The following SCGB2B2 variants were observed in gnomAD, a reference collection of about 807,000 sequenced individuals.
SCGB2B2 encodes the protein secretoglobin-like protein.
A neutral mutation model predicts 7.6 loss-of-function variants in SCGB2B2; 11 were observed. The observed-to-expected ratio is 1.45, with a 90% CI of 0.91 to 2.40. SCGB2B2 has a LOEUF of 2.40. SCGB2B2 is among the 30% of genes most tolerant of loss of function. SCGB2B2 has a pLI of 0.00. For missense variants in SCGB2B2, 104 were observed against 115.4 expected (o/e 0.90, Z 0.45); for synonymous variants, 50 against 48.6 (o/e 1.03, Z -0.12).
chr19:34,588,827 G>T (rs1382538016), downstream of SCGB2B2, among the ~76,000 whole-genome samples: 2 of 115,472 alleles, frequency 1.7e-5, no homozygotes, highest in African/African-American at 6.5e-5. Context: ...GGAAATGGGG[G>T]TGCTAAGAGT....
intron 1 of SCGB2B2, among the ~76,000 whole-genome samples, chr19:34,608,348 AAATT>A (rs756213589): frequency 6.6e-6 from 1 of 151,708 alleles, no homozygotes; most frequent in Non-Finnish European, 1.5e-5. Flanking sequence ...ATTTAACAAT[AAATT>A]GTTAATTATG....
intron 1 of SCGB2B2, among the ~76,000 whole-genome samples, chr19:34,640,132 A>G (rs2066799552): frequency 6.6e-6 from 1 of 152,180 alleles, no homozygotes; most frequent in Non-Finnish European, 1.5e-5. Flanking sequence ...TTTATTTGAG[A>G]TAAGGTCTTG....
chr19:34,629,977 A>T (rs1488452747), intron 1 of SCGB2B2, among the ~76,000 whole-genome samples: 2 of 152,004 alleles, frequency 1.3e-5, no homozygotes, highest in African/African-American at 2.4e-5. Context: ...CAACTATCTG[A>T]TCTTTGACAA....
At position 34,612,018 on chromosome 19, in the gene SCGB2B2, A is replaced by ATTTTTTT. The variant is rs1568431496; in HGVS notation, c.-2031-15425_-2031-15424insAAAAAAA. Among the ~76,000 whole-genome samples the ATTTTTTT allele has an allele frequency of 1.4e-4, 11 of 78,674 alleles. No homozygotes were observed. In the East Asian group the frequency reaches 3.1e-3, roughly 22 times the overall value. The allele number at this position is 78,674 out of a possible 152,430, so 51.6% of individuals were successfully genotyped here. ...ATTTTCATATATTTGTGTTTTAGAA[A>ATTTTTTT]ATTCTTTTTTTTTTTTTTTTTTTTT... On this transcript the variant is annotated intron_variant, in intron 1 of 3. Transcript: ENST00000601241.
chr19:34,666,619 C>T (rs917687867), intron 1 of SCGB2B2, among the ~76,000 whole-genome samples: 10 of 152,170 alleles, frequency 6.6e-5, no homozygotes, highest in African/African-American at 2.2e-4. Flanking sequence ...CCACGCCCAC[C>T]GGGCCTGCCC....
intron 1 of SCGB2B2, chr19:34,645,699 C>T: frequency 2.4e-6 from 1 of 424,526 alleles, no homozygotes; most frequent in South Asian, 2.0e-5. Flanking sequence ...CTTCTGCTGG[C>T]TCTAATCTGC....
Position 34,592,584 on chromosome 19 carries a change from G to A in SCGB2B2, c.*971C>T, listed in dbSNP as rs116721724. 0.022 allele frequency among the ~76,000 whole-genome samples: 3,412 copies of A among 152,234 alleles called. 108 individuals carry two copies. Among genetic ancestry groups the A allele is most frequent in the African/African-American group, 0.077 (3,206 of 41,520 alleles). ...AAGGAGCCTGCGGAAAGGGCTTGAGGTTTGGGGAGGGACCTCCCCCAGAAG... is the reference window on the plus strand; with the variant it reads ...AAGGAGCCTGCGGAAAGGGCTTGAGATTTGGGGAGGGACCTCCCCCAGAAG... On this transcript the variant is annotated 3_prime_UTR_variant, in exon 4 of 4. Coordinates refer to ENST00000601241, the MANE Select transcript of SCGB2B2 (RefSeq NM_001025591.4).
intron 1 of SCGB2B2, among the ~76,000 whole-genome samples, chr19:34,618,026 ACTGT>A (rs2145879891): frequency 6.6e-6 from 1 of 152,258 alleles, no homozygotes; most frequent in South Asian, 2.1e-4. Context: ...ACCTGTGCCC[ACTGT>A]CTGGCACTCC....
intron 1 of SCGB2B2, among the ~76,000 whole-genome samples, chr19:34,662,274 G>A (rs1385615888): frequency 6.6e-6 from 1 of 151,998 alleles, no homozygotes; most frequent in Non-Finnish European, 1.5e-5. Flanking sequence ...TCCTAAACTG[G>A]GACAGCAGGG....
chr19:34,630,506 T>C (rs1165857189), intron 1 of SCGB2B2, among the ~76,000 whole-genome samples: 1 of 151,780 alleles, frequency 6.6e-6, no homozygotes, highest in Non-Finnish European at 1.5e-5. Context: ...TAAAGACACA[T>C]GAAAAAATGC....
chr19:34,662,600 C>T (rs1318045171), intron 1 of SCGB2B2, among the ~76,000 whole-genome samples: 1 of 151,358 alleles, frequency 6.6e-6, no homozygotes, highest in Non-Finnish European at 1.5e-5. Context: ...CATTAAAAAC[C>T]ATAAGGAAAA....
chr19:34,633,377 T>C (rs2066588442), intron 1 of SCGB2B2, among the ~76,000 whole-genome samples: 1 of 152,208 alleles, frequency 6.6e-6, no homozygotes, highest in Non-Finnish European at 1.5e-5. Context: ...GCAATCCAAA[T>C]GTCCTTTAAC....
chr19:34,653,277 C>T (rs1228701953), intron 1 of SCGB2B2, among the ~76,000 whole-genome samples: 1 of 151,134 alleles, frequency 6.6e-6, no homozygotes, highest in Non-Finnish European at 1.5e-5. Flanking sequence ...GGAAGACTAA[C>T]TTCTAGTGTT....
At position 34,593,382 on chromosome 19, in the gene SCGB2B2, T is replaced by C. The variant is rs1600031746; in HGVS notation, c.*173A>G. 1.8e-6 allele frequency: 1 copy of C among 562,922 alleles called. No individual in the cohort carries two copies. The allele number at this position is 562,922 out of a possible 1,614,324, so 34.9% of individuals were successfully genotyped here. On this transcript the variant is annotated 3_prime_UTR_variant, in exon 4 of 4. Coordinates refer to ENST00000601241, the MANE Select transcript of SCGB2B2 (RefSeq NM_001025591.4). Reference sequence around the variant, plus strand: ...GTCGCATATTTTCACACTGGGACCCTGGTCACACTCTGCATATGCGGTCAC... The same window carrying C: ...GTCGCATATTTTCACACTGGGACCCCGGTCACACTCTGCATATGCGGTCAC...
At chr19:34,625,986 G>A (rs946854083) in intron 1 of SCGB2B2, among the ~76,000 whole-genome samples, 2 of 152,184 alleles carry the variant, frequency 1.3e-5, no homozygotes, top group Admixed American at 6.5e-5. Flanking sequence ...TGCAGCCTCC[G>A]CTGCTGATAC....
rs757206422 is a variant in SCGB2B2 at position 34,635,502 on chromosome 19, C to T, written c.-2031-38908G>A. On this transcript the variant is annotated intron_variant, in intron 1 of 3. Coordinates refer to ENST00000601241, the MANE Select transcript of SCGB2B2 (RefSeq NM_001025591.4). The stretch of plus-strand genomic sequence containing the variant: ...GGAGCTTTTTCTGTAGGCTTTCCCA[C>T]ATTCGCTGCACCCGTAAGGCTTTAA... 1.7e-5 allele frequency: 5 copies of T among 300,456 alleles called. No homozygotes were observed. In the Admixed American group the frequency reaches 1.8e-4, roughly 11 times the overall value. The allele number at this position is 300,456 out of a possible 1,614,324, so 18.6% of individuals were successfully genotyped here.
intron 1 of SCGB2B2, among the ~76,000 whole-genome samples, chr19:34,607,771 C>T (rs2065821933): frequency 6.6e-6 from 1 of 152,190 alleles, no homozygotes; most frequent in African/African-American, 2.4e-5. Flanking sequence ...TATGCAGGGC[C>T]TTTGCCCATT....
intron 1 of SCGB2B2, among the ~76,000 whole-genome samples, chr19:34,609,133 T>A (rs1352056370): frequency 6.6e-6 from 1 of 152,130 alleles, no homozygotes; most frequent in East Asian, 1.9e-4. Context: ...GAGAGATTTT[T>A]ATTCAGCTAA....
At chr19:34,660,998 A>G (rs566028711) in intron 1 of SCGB2B2, among the ~76,000 whole-genome samples, 12 of 152,276 alleles carry the variant, frequency 7.9e-5, no homozygotes, top group African/African-American at 1.9e-4. Context: ...GCTGGAAACC[A>G]TCATTCTCAG....
Sources: allele counts gnomAD v4.1 joint callset (sites outside exome capture counted in the v4.1 genomes callset), GRCh38; gene constraint gnomAD v4.1.1; transcripts MANE v1.5; gene names NCBI Gene and HGNC (gene_info 2026-07-23, HGNC 2026-07-21).